Variants in RNF144A observed in about 807,000 individuals in gnomAD.
RNF144A encodes E3 ubiquitin-protein ligase RNF144A.
RNF144A carries 11 observed loss-of-function variants against 38.7 expected under a neutral mutation model. The observed-to-expected ratio is 0.28, with a 90% CI of 0.18 to 0.47. The LOEUF (loss-of-function observed/expected upper bound fraction) is 0.47. Ranked by LOEUF, RNF144A falls within the 20% of genes least tolerant of loss-of-function variation. The pLI is 0.99. For synonymous variants in RNF144A, 149 were observed against 143.9 expected (o/e 1.04, Z -0.25); for missense variants, 316 against 377.2 (o/e 0.84, Z 1.34).
intron 1 of RNF144A, among the ~76,000 whole-genome samples, chr2:6,937,983 A>G (rs1665701639): frequency 6.6e-6 from 1 of 152,198 alleles, no homozygotes; most frequent in South Asian, 2.1e-4. Flanking sequence ...CTGCTCCTCT[A>G]TTTCTCTGCT....
Position 7,042,560 on chromosome 2 carries a change from G to C in RNF144A, c.*2800G>C, listed in dbSNP as rs1673111438. 11 of 985,446 alleles carry C rather than the reference G, an allele frequency of 1.1e-5. No individual in the cohort carries two copies. Among genetic ancestry groups the C allele is most frequent in the Admixed American group, 6.1e-5 (1 of 16,280 alleles). 61.0% of individuals were successfully genotyped at this position (985,446 alleles called of 1,614,324 possible). On this transcript the variant is annotated 3_prime_UTR_variant, in exon 9 of 9. Transcript: ENST00000320892. The stretch of plus-strand genomic sequence containing the variant: ...AGTGAGGACTGGCCTTAGCCCAGTG[G>C]ACCTGTGGCTTCTCTGAGGCCCTTG...
Position 7,042,774 on chromosome 2 carries a change from G to A in RNF144A, c.*3014G>A. 1 of 985,480 alleles carries A rather than the reference G, an allele frequency of 1.0e-6. No individual in the cohort carries two copies. The allele number at this position is 985,480 out of a possible 1,614,324, so 61.0% of individuals were successfully genotyped here. A position where few individuals can be genotyped will look rare whatever the true frequency, so the allele number is the denominator to read the frequency against. ...AGGATCTGAGATAAAGCATCGGATT[G>A]CAGGAATAACTGTCCAAATTAGTTC... On this transcript the variant is annotated 3_prime_UTR_variant, in exon 9 of 9. Transcript: ENST00000320892.
chr2:6,938,188 T>C (rs956424910), intron 1 of RNF144A, among the ~76,000 whole-genome samples: 4 of 151,810 alleles, frequency 2.6e-5, no homozygotes, highest in Non-Finnish European at 4.4e-5. Context: ...ACTTCGTCTT[T>C]TAAATTTTTT....
At chr2:6,977,528 T>C (rs60194945) in intron 2 of RNF144A, among the ~76,000 whole-genome samples, 23,391 of 152,270 alleles carry the variant, frequency 0.15, 1,857 homozygotes, top group East Asian at 0.21. Flanking sequence ...TCAGTAAATA[T>C]TTACTTTCTA....
intron 1 of RNF144A, among the ~76,000 whole-genome samples, chr2:6,935,191 T>C (rs1665490291): frequency 6.6e-6 from 1 of 152,198 alleles, no homozygotes; most frequent in Non-Finnish European, 1.5e-5. Context: ...ACCATCTTCA[T>C]CTTCCTTCCT....
At chr2:7,002,730 C>G (rs932659526) in intron 3 of RNF144A, among the ~76,000 whole-genome samples, 1 of 152,082 alleles carries the variant, frequency 6.6e-6, no homozygotes, top group African/African-American at 2.4e-5. Context: ...CTATTCTGTA[C>G]TTTTTTATCG....
Position 6,943,922 on chromosome 2 carries a change from C to A in RNF144A, c.-12+2775C>A, listed in dbSNP as rs1457277697. On this transcript the variant is annotated intron_variant, in intron 2 of 8. Coordinates refer to ENST00000320892, the MANE Select transcript of RNF144A (RefSeq NM_014746.6). The surrounding 1 kb of genome is among the most constrained non-coding windows in gnomAD (Gnocchi z 4.3). ...AAGCATTCACAGCCCACTCGAAGCT[C>A]TGGCTCCAGACTGAAAGAGCCACTC... Among the ~76,000 whole-genome samples the A allele has an allele frequency of 6.6e-6, 1 of 152,170 alleles. No homozygotes were observed. The highest frequency in any genetic ancestry group is 2.1e-4 in the South Asian group (1 of 4,828).
intron 1 of RNF144A, among the ~76,000 whole-genome samples, chr2:6,925,601 A>G (rs1664806688): frequency 6.6e-6 from 1 of 152,184 alleles, no homozygotes; most frequent in Non-Finnish European, 1.5e-5. Context: ...AGCCGCAGGT[A>G]AAGGGCAGGT....
chr2:6,981,351 TAA>T (rs1668623095), intron 2 of RNF144A, among the ~76,000 whole-genome samples: 2 of 152,274 alleles, frequency 1.3e-5, no homozygotes, highest in South Asian at 2.1e-4. Context: ...TTTTAAAACA[TAA>T]GTTTCAATTT....
intron 1 of RNF144A, among the ~76,000 whole-genome samples, chr2:6,931,070 C>T (rs543774042): frequency 6.6e-6 from 1 of 152,338 alleles, no homozygotes; most frequent in South Asian, 2.1e-4. Flanking sequence ...TGATACCATG[C>T]ACCTGCAGGT....
chr2:6,935,516 C>T (rs1461625384), intron 1 of RNF144A, among the ~76,000 whole-genome samples: 1 of 152,224 alleles, frequency 6.6e-6, no homozygotes, highest in Admixed American at 6.5e-5. Flanking sequence ...TTCCCGTCTA[C>T]ATCCCTGCCC....
intron 5 of RNF144A, among the ~76,000 whole-genome samples, chr2:7,018,142 C>T (rs760855817): frequency 1.3e-5 from 2 of 152,184 alleles, no homozygotes; most frequent in Non-Finnish European, 2.9e-5. Flanking sequence ...CTGCTCCTTG[C>T]TGATGTCAGA....
intron 6 of RNF144A, among the ~76,000 whole-genome samples, chr2:7,061,214 A>T (rs993759576): frequency 4.6e-5 from 7 of 152,202 alleles, no homozygotes; most frequent in Non-Finnish European, 1.0e-4. Flanking sequence ...AAAGAGGAAC[A>T]TGGCACTCTG....
intron 2 of RNF144A, among the ~76,000 whole-genome samples, chr2:6,974,403 G>C (rs1668180299): frequency 6.6e-6 from 1 of 152,100 alleles, no homozygotes; most frequent in Non-Finnish European, 1.5e-5. Flanking sequence ...TCTTAACCTT[G>C]GTGTGCCCCA....
intron 2 of RNF144A, among the ~76,000 whole-genome samples, chr2:6,969,578 C>G (rs1667872258): frequency 6.6e-6 from 1 of 152,202 alleles, no homozygotes; most frequent in African/African-American, 2.4e-5. Flanking sequence ...CCCCAGGAAA[C>G]TTTAATAAAA....
chr2:7,016,396 A>T (rs1671140340), intron 5 of RNF144A, among the ~76,000 whole-genome samples: 1 of 152,200 alleles, frequency 6.6e-6, no homozygotes, highest in Non-Finnish European at 1.5e-5. Context: ...TTTGCGTTAC[A>T]AGAATATGAA....
chr2:7,024,283 G>A (rs1558441465), intron 6 of RNF144A, 86 bp from the exon 7 acceptor site: 4 of 1,199,722 alleles, frequency 3.3e-6, no homozygotes, highest in South Asian at 2.5e-5. Flanking sequence ...TCTGTGAAGT[G>A]GAGCCGATGC....
At position 7,065,258 on chromosome 2, in the gene RNF144A, A is replaced by G. The variant is rs528134267; in HGVS notation, c.735-2958A>G. On this transcript the variant is annotated intron_variant, in intron 6 of 6. Coordinates refer to the RNF144A transcript ENST00000432850. ...CTGGAATCTCTTGGTTCCAAATCCAAATTCCTGGAGAAAAACTCTGATTCC... is the reference window on the plus strand; with the variant it reads ...CTGGAATCTCTTGGTTCCAAATCCAGATTCCTGGAGAAAAACTCTGATTCC... 2.5e-4 allele frequency among the ~76,000 whole-genome samples: 38 copies of G among 152,368 alleles called. No homozygotes were observed. The South Asian group carries it at 7.9e-3, about 32-fold the overall frequency.
chr2:7,011,411 A>G (rs1169072532), intron 3 of RNF144A, among the ~76,000 whole-genome samples: 8 of 152,238 alleles, frequency 5.3e-5, no homozygotes, highest in African/African-American at 1.7e-4. Flanking sequence ...CAAAAAATGT[A>G]CAACAGACAA....
Sources: gnomAD v4.1 joint callset for allele counts (sites outside exome capture counted in the v4.1 genomes callset) on GRCh38, gnomAD v4.1.1 for gene constraint, Gnocchi (gnomAD v3.1) non-coding constraint, MANE v1.5 for transcripts, NCBI Gene and HGNC (gene_info 2026-07-23, HGNC 2026-07-21) for gene names.